Variants in POLE2 observed in about 807,000 individuals in gnomAD.
The protein encoded by POLE2 is DNA polymerase epsilon subunit 2.
A neutral mutation model predicts 79.4 loss-of-function variants in POLE2; 56 were observed. That is an observed-to-expected ratio of 0.71 (90% confidence interval 0.57 to 0.88). The LOEUF (loss-of-function observed/expected upper bound fraction) is 0.88, where lower values mean the gene tolerates loss of function less well. Ranked by LOEUF, POLE2 falls within the 40% of genes least tolerant of loss-of-function variation. The pLI is 0.00. For synonymous variants in POLE2, 212 were observed against 214.0 expected, an observed-to-expected ratio of 0.99 and a Z score of 0.08; for missense variants, 598 against 638.9, an observed-to-expected ratio of 0.94 and a Z score of 0.69.
At chr14:49,645,714 G>A (rs146417329) in intron 18 of POLE2, among the ~76,000 whole-genome samples, 7 of 152,244 alleles carry the variant, frequency 4.6e-5, no homozygotes, top group African/African-American at 1.4e-4. Context: ...TCTGACTCCC[G>A]AGCTCAAGTG....
intron 1 of POLE2, among the ~76,000 whole-genome samples, chr14:49,684,373 G>A (rs45525637): frequency 0.15 from 22,418 of 151,798 alleles, 1,777 homozygotes; most frequent in Non-Finnish European, 0.18. Context: ...ACTGAGGCAG[G>A]AGAATGGCGT....
intron 16 of POLE2, among the ~76,000 whole-genome samples, chr14:49,650,959 A>G (rs1884177604): frequency 6.6e-6 from 1 of 152,242 alleles, no homozygotes; most frequent in African/African-American, 2.4e-5. Context: ...AAATAAGAAC[A>G]GTTTATTAAA....
intron 6 of POLE2, among the ~76,000 whole-genome samples, chr14:49,666,899 T>C (rs1885522137): frequency 6.6e-6 from 1 of 152,246 alleles, no homozygotes; most frequent in Admixed American, 6.5e-5. Context: ...ATTGGGACAC[T>C]ATTGTAAAAA....
At chr14:49,648,077 C>A (rs1237925985) in intron 17 of POLE2, among the ~76,000 whole-genome samples, 2 of 152,196 alleles carry the variant, frequency 1.3e-5, no homozygotes, top group Admixed American at 6.5e-5. Context: ...TAATGCAAAA[C>A]TGATTTGCAT....
intron 17 of POLE2, among the ~76,000 whole-genome samples, chr14:49,648,613 T>C (rs550007193): frequency 6.2e-4 from 94 of 152,308 alleles, no homozygotes; most frequent in African/African-American, 2.2e-3. Context: ...AGGGGGACAT[T>C]TGGCCAGTGT....
intron 1 of POLE2, among the ~76,000 whole-genome samples, chr14:49,685,858 A>G (rs1429167193): frequency 6.6e-6 from 1 of 150,660 alleles, no homozygotes; most frequent in African/African-American, 2.5e-5. Flanking sequence ...CGAATTCCTG[A>G]CCTCGTGATC....
intron 1 of POLE2, among the ~76,000 whole-genome samples, chr14:49,687,494 C>G (rs937429835): frequency 1.3e-5 from 2 of 152,010 alleles, no homozygotes; most frequent in African/African-American, 4.8e-5. Context: ...TTTCTCGGGT[C>G]TCTCATCTTA....
chr14:49,667,724 T>C (rs951728052), intron 6 of POLE2, among the ~76,000 whole-genome samples: 4 of 152,052 alleles, frequency 2.6e-5, no homozygotes, highest in Non-Finnish European at 5.9e-5. Context: ...ATAATAACTG[T>C]TGAATAAAGT....
chr14:49,647,886 A>G (rs1434525564), intron 17 of POLE2, among the ~76,000 whole-genome samples: 2 of 152,254 alleles, frequency 1.3e-5, no homozygotes, highest in African/African-American at 4.8e-5. Flanking sequence ...TTGTTACTAT[A>G]AAATATCTCC....
chr14:49,646,302 G>GTTTTTTTTTTTTTTTTTTTT lies in POLE2; in HGVS notation c.1565+971_1565+990dup, dbSNP rs1162033821. Among the ~76,000 whole-genome samples, 32 of 84,568 alleles carry GTTTTTTTTTTTTTTTTTTTT rather than the reference G, an allele frequency of 3.8e-4. 5 individuals carry two copies. The highest frequency in any genetic ancestry group is 1.0e-3 in the South Asian group (2 of 1,922). The allele number at this position is 84,568 out of a possible 152,430, so 55.5% of individuals were successfully genotyped here. A position where few individuals can be genotyped will look rare whatever the true frequency, so the allele number is the denominator to read the frequency against. On this transcript the variant is annotated intron_variant, in intron 18 of 18. Transcript: ENST00000216367. ...GATTTGGTCAGTTGTTTTTTTGTTGGTTTTTTTTTTTTTTTTTTTTTTTTT... is the reference window on the plus strand; with the variant it reads ...GATTTGGTCAGTTGTTTTTTTGTTGGTTTTTTTTTTTTTTTTTTTTTTTTTTTTTTTTTTTTTTTTTTTTT...
intron 9 of POLE2, among the ~76,000 whole-genome samples, chr14:49,664,304 G>A (rs550836879): frequency 2.7e-5 from 4 of 149,240 alleles, no homozygotes; most frequent in African/African-American, 2.5e-5. Flanking sequence ...AGCCGAGATC[G>A]CGCCACTGCA....
At chr14:49,678,449 C>T (rs1886465723) in intron 3 of POLE2, among the ~76,000 whole-genome samples, 1 of 152,058 alleles carries the variant, frequency 6.6e-6, no homozygotes, top group Non-Finnish European at 1.5e-5. Context: ...TACGTTCTGC[C>T]TCCAAATCTG....
chr14:49,680,208 G>C (rs1309483845), intron 2 of POLE2, among the ~76,000 whole-genome samples: 1 of 152,132 alleles, frequency 6.6e-6, no homozygotes, highest in Non-Finnish European at 1.5e-5. Flanking sequence ...AACTTAGCTG[G>C]GGGTGGTGGC....
intron 2 of POLE2, among the ~76,000 whole-genome samples, chr14:49,680,532 T>C (rs1292024658): frequency 6.6e-6 from 1 of 152,154 alleles, no homozygotes; most frequent in East Asian, 1.9e-4. Context: ...ATTATTCCAC[T>C]GGGTAGATGT....
At chr14:49,680,449 T>C (rs1886620979) in intron 2 of POLE2, among the ~76,000 whole-genome samples, 2 of 152,204 alleles carry the variant, frequency 1.3e-5, no homozygotes, top group African/African-American at 4.8e-5. Context: ...AGCATGATAG[T>C]AACAATAGCA....
chr14:49,649,308 A>T (rs1485790269), intron 17 of POLE2, among the ~76,000 whole-genome samples: 1 of 150,802 alleles, frequency 6.6e-6, no homozygotes, highest in Non-Finnish European at 1.5e-5. Flanking sequence ...CACCTCGCCC[A>T]GCTAATTTTT....
intron 9 of POLE2, among the ~76,000 whole-genome samples, chr14:49,663,800 G>A (rs1211452705): frequency 2.0e-5 from 3 of 151,890 alleles, no homozygotes; most frequent in Admixed American, 6.6e-5. Flanking sequence ...AGGCTGAGGC[G>A]GGCGGATCAC....
chr14:49,665,018 C>A (rs1594586834), intron 8 of POLE2, 89 bp downstream of exon 8: 1 of 703,910 alleles, frequency 1.4e-6, no homozygotes, highest in South Asian at 1.6e-5. Context: ...CATTGAGAAC[C>A]CAAATAGGTA....
chr14:49,653,371 C>T (rs556195805), intron 15 of POLE2, among the ~76,000 whole-genome samples: 32 of 152,246 alleles, frequency 2.1e-4, no homozygotes, highest in African/African-American at 6.7e-4. Flanking sequence ...ATGAGCAATA[C>T]GAACAGTAAA....
Sources: gnomAD v4.1 joint callset for allele counts (sites outside exome capture counted in the v4.1 genomes callset) on GRCh38, gnomAD v4.1.1 for gene constraint, MANE v1.5 for transcripts, NCBI Gene and HGNC (gene_info 2026-07-23, HGNC 2026-07-21) for gene names.